Variants in BDP1 observed in about 807,000 individuals in gnomAD.
BDP1 encodes transcription factor TFIIIB component B'' homolog.
A neutral mutation model predicts 266.6 loss-of-function variants in BDP1; 169 were observed. The ratio of observed to expected loss-of-function variants is 0.63; its 90% CI spans 0.56 to 0.72. The LOEUF (loss-of-function observed/expected upper bound fraction) is 0.72, where lower values mean the gene tolerates loss of function less well. BDP1 is among the 30% of genes least tolerant of loss of function. The pLI is 0.00. For missense variants in BDP1, 3,015 were observed against 3,053.8 expected (o/e 0.99, Z 0.30); for synonymous variants, 1,090 against 1,022.4 (o/e 1.07, Z -1.26).
intron 13 of BDP1, among the ~76,000 whole-genome samples, chr5:71,499,669 T>C (rs1764113836): frequency 1.3e-5 from 2 of 152,302 alleles, no homozygotes; most frequent in South Asian, 4.1e-4. Context: ...AACTATTAAT[T>C]TACATTTTTT....
At chr5:71,563,140 G>GT (rs938709498) in intron 38 of BDP1, among the ~76,000 whole-genome samples, 7 of 151,774 alleles carry the variant, frequency 4.6e-5, no homozygotes, top group African/African-American at 9.7e-5. Context: ...CGTGGGTTTT[G>GT]TTTTTTTTGT....
the BDP1 span, among the ~76,000 whole-genome samples, chr5:71,574,916 A>G: frequency 6.6e-6 from 1 of 152,208 alleles, no homozygotes; most frequent in Admixed American, 6.5e-5. Flanking sequence ...GCTTATGGAT[A>G]TGGGAGCTGA....
At chr5:71,470,263 A>G (rs1026103645) in intron 6 of BDP1, 132 bp from the exon 7 acceptor site, 2 of 664,816 alleles carry the variant, frequency 3.0e-6, no homozygotes, top group Non-Finnish European at 5.2e-6. Flanking sequence ...TTTATTTATA[A>G]TAAGGTGTTT....
At chr5:71,485,279 A>G (rs895423002) in intron 8 of BDP1, among the ~76,000 whole-genome samples, 2 of 152,210 alleles carry the variant, frequency 1.3e-5, no homozygotes, top group Admixed American at 6.5e-5. Context: ...GCAAGATCCT[A>G]TCTCAAAACT....
intron 35 of BDP1, among the ~76,000 whole-genome samples, chr5:71,555,661 A>G (rs996748244): frequency 5.9e-5 from 9 of 151,450 alleles, no homozygotes; most frequent in African/African-American, 2.2e-4. Flanking sequence ...CTGGTCTCGA[A>G]CTCCGGACCT....
Position 71,517,437 on chromosome 5 carries a change from C to A in BDP1, c.4976C>A (p.Thr1659Lys). Reference protein sequence around the residue: ...VLVENLHVNKTNETIRHENKP... With the variant: ...VLVENLHVNKKNETIRHENKP... ...GTAGAAAACCTTCATGTTAACAAAA[C>A]AAATGAAACAATCAGGTGAGTTTGC... is the stretch of plus-strand genomic sequence containing the variant. The change falls in exon 22 of 39, where the codon ACA becomes AAA. Residue 1659 changes from threonine to lysine, a missense_variant. By Grantham distance (78) the Thr-to-Lys change is moderately conservative. This residue lies in a region of BDP1 where 2,383 missense variants were observed against 2,404.9 expected (regional missense o/e 0.99). Transcript: ENST00000358731. The A allele has an allele frequency of 6.3e-7, 1 of 1,580,650 alleles. No homozygotes were observed.
intron 13 of BDP1, 70 bp downstream of exon 13, chr5:71,497,496 TG>T: frequency 1.6e-6 from 2 of 1,253,330 alleles, no homozygotes; most frequent in Non-Finnish European, 2.2e-6. Context: ...GAATAAAAGT[TG>T]TTGACTTGAA....
chr5:71,572,906 C>T, the BDP1 span, among the ~76,000 whole-genome samples: 2 of 152,112 alleles, frequency 1.3e-5, no homozygotes, highest in African/African-American at 4.8e-5. Context: ...CTGAAAGAAT[C>T]TGTTGTCCCA....
the BDP1 span, among the ~76,000 whole-genome samples, chr5:71,577,703 G>A: frequency 6.6e-6 from 1 of 152,318 alleles, no homozygotes. Flanking sequence ...TTCTTTAGAA[G>A]ACTGGACTGA....
At chr5:71,570,072 C>T (rs1744217671), downstream of BDP1, among the ~76,000 whole-genome samples, 1 of 152,170 alleles carries the variant, frequency 6.6e-6, no homozygotes, top group African/African-American at 2.4e-5. Flanking sequence ...CTATATCCTA[C>T]TTCTGTGTAT....
At chr5:71,507,714 T>A (rs1234742038) in intron 16 of BDP1, among the ~76,000 whole-genome samples, 1 of 152,210 alleles carries the variant, frequency 6.6e-6, no homozygotes, top group Non-Finnish European at 1.5e-5. Context: ...TGCGGTCCAT[T>A]CAGGACTAAT....
intron 13 of BDP1, among the ~76,000 whole-genome samples, chr5:71,499,921 T>C (rs1372742559): frequency 6.6e-6 from 1 of 152,216 alleles, no homozygotes; most frequent in South Asian, 2.1e-4. Flanking sequence ...ATTCTTGTTA[T>C]GCATTGTCTT....
chr5:71,537,758 A>T (rs1299401391), intron 26 of BDP1: 1 of 168,990 alleles, frequency 5.9e-6, no homozygotes, highest in African/African-American at 2.4e-5. Flanking sequence ...CTTTTGCAGG[A>T]GCAGGTTTAG....
chr5:71,511,068 A>C lies in BDP1; in HGVS notation c.3976A>C (p.Thr1326Pro), dbSNP rs1561730470. The C allele has an allele frequency of 3.1e-6, 5 of 1,614,168 alleles. No individual in the cohort carries two copies. The highest frequency in any genetic ancestry group is 4.2e-6 in the Non-Finnish European group (5 of 1,180,014). Residue 1326 changes from threonine (T) to proline (P), a missense_variant, in exon 17 of 39, where the codon ACC (threonine) becomes CCC (proline). Physicochemically the swap from Thr to Pro is conservative, Grantham distance 38 (BLOSUM62 -1). This residue lies in a region of BDP1 where 2,383 missense variants were observed against 2,404.9 expected (regional missense o/e 0.99). Transcript: ENST00000358731. ...TCCAAGGGAAAACGAGCTAGAGGAG[A>C]CCAGTACCTCAAGACAAACTGACAC... ...ISPRENELEETSTSRQTDTHL... is the reference protein window; with the variant it reads ...ISPRENELEEPSTSRQTDTHL...
intron 14 of BDP1, among the ~76,000 whole-genome samples, chr5:71,502,264 T>C (rs146878211): frequency 0.025 from 3,715 of 148,760 alleles, 70 homozygotes; most frequent in South Asian, 0.074. Context: ...AACCTCTGCC[T>C]CCCGGTTTCA....
rs187197098 is a variant in BDP1, at chr5:71,557,106, G to C, written c.7240+181G>C. On this transcript the variant is annotated intron_variant, in intron 36 of 38. Coordinates refer to ENST00000358731, the MANE Select transcript of BDP1 (RefSeq NM_018429.3). ...TTTGGCAGTTTGGTAGGCAAAAGAA[G>C]GTCTTTTCATCCTGTCATCAGTTGA... 2.0e-5 allele frequency among the ~76,000 whole-genome samples: 3 copies of C among 152,226 alleles called. No homozygotes were observed. The East Asian group carries it at 5.8e-4, about 29-fold the overall frequency.
At chr5:71,526,072 G>T (rs1291706839) in intron 25 of BDP1, among the ~76,000 whole-genome samples, 3 of 152,174 alleles carry the variant, frequency 2.0e-5, no homozygotes, top group Admixed American at 6.5e-5. Context: ...CGGCACTTTG[G>T]GGGGCCAAGG....
At chr5:71,487,729 C>T (rs533827022) in intron 9 of BDP1, among the ~76,000 whole-genome samples, 2 of 152,308 alleles carry the variant, frequency 1.3e-5, no homozygotes, top group South Asian at 4.1e-4. Flanking sequence ...GATTCAGCAT[C>T]CTCTGCCTGG....
chr5:71,486,669 A>T, intron 9 of BDP1, 42 bp downstream of exon 9: 2 of 1,446,460 alleles, frequency 1.4e-6, no homozygotes, highest in Non-Finnish European at 9.1e-7. Flanking sequence ...ACTTAGTAGT[A>T]ATAAACTTGC....
Sources: allele counts gnomAD v4.1 joint callset (sites outside exome capture counted in the v4.1 genomes callset), GRCh38; gene constraint gnomAD v4.1.1; regional missense constraint gnomAD v4.1.1; transcripts MANE v1.5; gene names NCBI Gene and HGNC (gene_info 2026-07-23, HGNC 2026-07-21).